ALOX5: variants seen among roughly 807,000 people sequenced by gnomAD.
ALOX5 encodes polyunsaturated fatty acid 5-lipoxygenase.
A neutral mutation model predicts 87.9 loss-of-function variants in ALOX5; 64 were observed. The observed-to-expected ratio is 0.73, with a 90% confidence interval of 0.60 to 0.90. ALOX5 has a LOEUF of 0.90. Among genes scored for constraint, ALOX5 ranks in the 40% least tolerant of loss-of-function variants. ALOX5 has a pLI of 0.00. For missense variants in ALOX5, 822 were observed against 907.5 expected (o/e 0.91, Z 1.21); for synonymous variants, 388 against 355.1 (o/e 1.09, Z -1.04).
At chr10:45,421,141 G>A (rs930665204) in intron 4 of ALOX5, among the ~76,000 whole-genome samples, 3 of 152,218 alleles carry the variant, frequency 2.0e-5, no homozygotes, top group African/African-American at 2.4e-5. Context: ...GCGGGTCTTC[G>A]AAGCCCTGAA....
At chr10:45,418,370 A>T (rs548013127) in intron 4 of ALOX5, among the ~76,000 whole-genome samples, 1 of 152,220 alleles carries the variant, frequency 6.6e-6, no homozygotes, top group Admixed American at 6.5e-5. Flanking sequence ...ACCCGGCCCC[A>T]GCTCCTCCCC....
chr10:45,444,483 G>A, intron 13 of ALOX5, 197 bp downstream of exon 13: 1 of 695,412 alleles, frequency 1.4e-6, no homozygotes, highest in Non-Finnish European at 2.3e-6. Flanking sequence ...AGGGTGTGCA[G>A]GGCAGGAGAG....
chr10:45,443,403 C>T lies in ALOX5; in HGVS notation c.1452-13C>T. 6.3e-7 allele frequency: 1 copy of T among 1,598,232 alleles called. No individual in the cohort carries two copies. The highest frequency in any genetic ancestry group is 8.5e-7 in the Non-Finnish European group (1 of 1,172,640). On this transcript the variant is annotated splice_polypyrimidine_tract_variant and intron_variant, in intron 10 of 13. Coordinates refer to ENST00000374391, the MANE Select transcript of ALOX5 (RefSeq NM_000698.5). ...GGCTGGGTCGCCCACCCCGGCTGCG[C>T]CCCCTGAGCCAGGTTCACGGCCGAG...
At position 45,425,103 on chromosome 10, in the gene ALOX5, C is replaced by A. The variant is rs778418203; in HGVS notation, c.805C>A (p.Arg269=). ...TTEMVECSLE[R]QLSLEQEVQQ... ...GGAGATGGTAGAGTGCAGCCTGGAGCGGCAGCTCAGCTTGGAGCAGGAGGT... is the reference window on the plus strand; with the variant it reads ...GGAGATGGTAGAGTGCAGCCTGGAGAGGCAGCTCAGCTTGGAGCAGGAGGT... Residue 269 remains arginine (R), a synonymous_variant, in exon 6 of 14, where the codon CGG becomes AGG. Coordinates refer to ENST00000374391, the MANE Select transcript of ALOX5 (RefSeq NM_000698.5). This position sits in a 1 kb window ranked among gnomAD's most constrained non-coding sequence, Gnocchi z 4.4. 6 of 1,613,846 alleles carry A rather than the reference C, an allele frequency of 3.7e-6. No homozygotes were observed. In the Middle Eastern group the frequency reaches 9.9e-4, roughly 266 times the overall value.
At position 45,382,579 on chromosome 10, in the gene ALOX5, C is replaced by G; in HGVS notation, c.247C>G (p.Leu83Val). The change falls in exon 2 of 14, where the codon CTG (leucine) becomes GTG (valine). Residue 83 changes from leucine to valine, a missense_variant. By Grantham distance (32) the Leu-to-Val change is conservative (BLOSUM62 1). Coordinates refer to ENST00000374391, the MANE Select transcript of ALOX5 (RefSeq NM_000698.5). ...RKYWLNDDWY[L>V]KYITLKTPHG... The stretch of plus-strand genomic sequence containing the variant: ...GTACTGGCTGAATGACGACTGGTAC[C>G]TGAAGTACATCACGCTGAAGACGCC... 6.2e-7 allele frequency: 1 copy of G among 1,614,172 alleles called. No homozygotes were observed. Among genetic ancestry groups the G allele is most frequent in the Non-Finnish European group, 8.5e-7 (1 of 1,180,048 alleles).
chr10:45,433,156 C>T (rs1165840330), intron 7 of ALOX5, among the ~76,000 whole-genome samples: 1 of 152,270 alleles, frequency 6.6e-6, no homozygotes, highest in African/African-American at 2.4e-5. Context: ...AACTCCCAGA[C>T]ACCAGCAAGG....
At chr10:45,410,884 A>T (rs1256132809) in intron 3 of ALOX5, among the ~76,000 whole-genome samples, 2 of 152,220 alleles carry the variant, frequency 1.3e-5, no homozygotes, top group African/African-American at 2.4e-5. Flanking sequence ...GAATCCATAA[A>T]GTGAAAGCAA....
intron 4 of ALOX5, among the ~76,000 whole-genome samples, chr10:45,416,864 G>A (rs1311417500): frequency 6.6e-6 from 1 of 151,802 alleles, no homozygotes; most frequent in Non-Finnish European, 1.5e-5. Context: ...ATGGATAGAT[G>A]GGTGGATGGA....
intron 4 of ALOX5, among the ~76,000 whole-genome samples, chr10:45,417,278 G>A (rs1390787405): frequency 6.6e-6 from 1 of 152,102 alleles, no homozygotes; most frequent in African/African-American, 2.4e-5. Context: ...TCTCAATCCT[G>A]TGTGTTTAGT....
intron 7 of ALOX5, among the ~76,000 whole-genome samples, chr10:45,434,147 A>G (rs577120678): frequency 6.6e-6 from 1 of 152,334 alleles, no homozygotes; most frequent in African/African-American, 2.4e-5. Context: ...GGGGGGCTAC[A>G]GTGCCCTAAG....
chr10:45,424,828 C>T, intron 5 of ALOX5, 132 bp from the exon 6 acceptor site: 2 of 1,063,634 alleles, frequency 1.9e-6, no homozygotes, highest in South Asian at 1.5e-5. Context: ...GCAGTTGGAG[C>T]TGTGCCCATC....
chr10:45,427,592 G>T (rs1192322477), intron 6 of ALOX5, among the ~76,000 whole-genome samples: 1 of 152,192 alleles, frequency 6.6e-6, no homozygotes, highest in Non-Finnish European at 1.5e-5. Context: ...GCTGCAGGGG[G>T]GCGCTCTGGG....
intron 2 of ALOX5, among the ~76,000 whole-genome samples, chr10:45,391,924 AGCCG>A (rs1840287627): frequency 1.9e-5 from 2 of 107,254 alleles, no homozygotes; most frequent in Non-Finnish European, 2.2e-5. Context: ...TCCGCCCGGC[AGCCG>A]CCCCGTCTGG....
chr10:45,392,680 C>G (rs1020369424), intron 2 of ALOX5, among the ~76,000 whole-genome samples: 1 of 149,180 alleles, frequency 6.7e-6, no homozygotes, highest in Admixed American at 6.7e-5. Context: ...TCCCCCTCTG[C>G]GAGAAACACC....
intron 4 of ALOX5, 78 bp downstream of exon 4, chr10:45,412,391 C>T: frequency 6.4e-7 from 1 of 1,564,116 alleles, no homozygotes; most frequent in Non-Finnish European, 8.7e-7. Flanking sequence ...CACTCCTTTC[C>T]TCATGGGGTC....
intron 2 of ALOX5, among the ~76,000 whole-genome samples, chr10:45,391,220 G>A (rs1359995668): frequency 7.9e-5 from 12 of 152,026 alleles, no homozygotes; most frequent in Admixed American, 7.9e-4. Context: ...AGCCTGCCGA[G>A]TGCCTGCGAT....
chr10:45,423,968 G>A (rs1354148300), intron 4 of ALOX5, 73 bp from the exon 5 acceptor site: 2 of 1,228,148 alleles, frequency 1.6e-6, no homozygotes, highest in Non-Finnish European at 1.2e-6. Flanking sequence ...ACCCCTGAGA[G>A]CTTGGTGTGA....
chr10:45,416,613 G>A (rs941285199), intron 4 of ALOX5, among the ~76,000 whole-genome samples: 3 of 152,148 alleles, frequency 2.0e-5, no homozygotes, highest in African/African-American at 7.2e-5. Context: ...GAGGTGGAGA[G>A]TACTGCCACC....
At chr10:45,443,652 A>C (rs1842324535) in intron 11 of ALOX5, 76 bp from the exon 12 acceptor site, 1 of 1,590,240 alleles carries the variant, frequency 6.3e-7, no homozygotes, top group African/African-American at 1.3e-5. Context: ...GGGGCAGGGA[A>C]TCCGGGCACG....
Sources: allele counts gnomAD v4.1 joint callset (sites outside exome capture counted in the v4.1 genomes callset), GRCh38; gene constraint gnomAD v4.1.1; non-coding constraint Gnocchi (gnomAD v3.1); transcripts MANE v1.5; gene names NCBI Gene and HGNC (gene_info 2026-07-23, HGNC 2026-07-21).